The following TMPRSS11E variants were observed in gnomAD, a reference collection of about 807,000 sequenced individuals.
TMPRSS11E encodes transmembrane serine protease 11E, also known as transmembrane protease serine 11E.
In TMPRSS11E, 38 loss-of-function variants were observed where a neutral mutation model predicts 48.1. The observed-to-expected ratio is 0.79, with a 90% CI of 0.61 to 1.04. The LOEUF is 1.04. TMPRSS11E is among the 50% of genes least tolerant of loss of function. The pLI, the probability that TMPRSS11E is intolerant of heterozygous loss-of-function variation, is 0.00. For synonymous variants in TMPRSS11E, 158 were observed against 171.9 expected (o/e 0.92, Z 0.63); for missense variants, 530 against 510.8 (o/e 1.04, Z -0.36).
intron 9 of TMPRSS11E, among the ~76,000 whole-genome samples, chr4:68,493,388 T>C (rs990740239): frequency 4.5e-4 from 69 of 152,222 alleles, no homozygotes; most frequent in Admixed American, 4.4e-3. Flanking sequence ...TTACAAACTT[T>C]GTGAGCTACA....
intron 2 of TMPRSS11E, among the ~76,000 whole-genome samples, chr4:68,462,461 T>C (rs1578134721): frequency 1.4e-5 from 2 of 147,918 alleles, no homozygotes; most frequent in African/African-American, 5.0e-5. Context: ...TGTACACCTG[T>C]AGTCCCAGTT....
chr4:68,494,641 AAAT>A (rs1729819183), intron 9 of TMPRSS11E, among the ~76,000 whole-genome samples: 1 of 132,680 alleles, frequency 7.5e-6, no homozygotes, highest in Non-Finnish European at 1.8e-5. Flanking sequence ...TTAATGAGAC[AAAT>A]AGAGATAGAG....
intron 9 of TMPRSS11E, among the ~76,000 whole-genome samples, chr4:68,487,047 A>G (rs375043493): frequency 6.6e-5 from 10 of 152,148 alleles, no homozygotes; most frequent in African/African-American, 2.4e-4. Flanking sequence ...TGATGATAGC[A>G]TACAGTTGGG....
chr4:68,473,070 G>T (rs1250927750), intron 5 of TMPRSS11E, among the ~76,000 whole-genome samples: 4 of 151,906 alleles, frequency 2.6e-5, no homozygotes, highest in Admixed American at 2.6e-4. Context: ...AGTACAAAAG[G>T]CTAATGACTC....
intron 9 of TMPRSS11E, among the ~76,000 whole-genome samples, chr4:68,480,450 AT>A (rs1362966024): frequency 1.4e-4 from 22 of 152,058 alleles, no homozygotes; most frequent in Non-Finnish European, 2.8e-4. Flanking sequence ...TGCTTATCAT[AT>A]TTTTTAGTTC....
intron 3 of TMPRSS11E, among the ~76,000 whole-genome samples, chr4:68,468,154 C>T (rs767571741): frequency 2.6e-5 from 4 of 152,106 alleles, no homozygotes; most frequent in Non-Finnish European, 4.4e-5. Context: ...AATTAAAAGG[C>T]TCATTGCTTC....
intron 8 of TMPRSS11E, among the ~76,000 whole-genome samples, chr4:68,478,332 C>G (rs1244007037): frequency 6.6e-6 from 1 of 151,046 alleles, no homozygotes; most frequent in African/African-American, 2.4e-5. Context: ...TTAGTAGAGA[C>G]AGGGTTTCAC....
chr4:68,485,956 T>C (rs1191678392), intron 9 of TMPRSS11E, among the ~76,000 whole-genome samples: 1 of 152,208 alleles, frequency 6.6e-6, no homozygotes, highest in African/African-American at 2.4e-5. Context: ...TACAATCATC[T>C]TTGAAATTTT....
chr4:68,465,912 CA>C (rs1432695068), intron 2 of TMPRSS11E, among the ~76,000 whole-genome samples: 1 of 152,142 alleles, frequency 6.6e-6, no homozygotes, highest in African/African-American at 2.4e-5. Context: ...AAAGTTATAT[CA>C]CATTAACTTT....
chr4:68,452,972 T>C (rs927783578), intron 1 of TMPRSS11E, among the ~76,000 whole-genome samples: 3 of 151,948 alleles, frequency 2.0e-5, no homozygotes, highest in African/African-American at 4.8e-5. Flanking sequence ...AAGTTTTCTT[T>C]ACTAGTTGAA....
chr4:68,489,745 G>T (rs1348219881), intron 9 of TMPRSS11E, among the ~76,000 whole-genome samples: 4 of 152,268 alleles, frequency 2.6e-5, no homozygotes, highest in African/African-American at 4.8e-5. Flanking sequence ...GCAAGTTTGT[G>T]TAGCCAGGCA....
At chr4:68,455,846 T>C (rs1728615077) in intron 1 of TMPRSS11E, among the ~76,000 whole-genome samples, 1 of 152,026 alleles carries the variant, frequency 6.6e-6, no homozygotes, top group Non-Finnish European at 1.5e-5. Flanking sequence ...TTTATTATCT[T>C]GAACTAAAAA....
At chr4:68,471,679 C>G in intron 5 of TMPRSS11E, 56 bp downstream of exon 5, 10 of 1,380,180 alleles carry the variant, frequency 7.2e-6, no homozygotes, top group Non-Finnish European at 7.6e-6. Flanking sequence ...TAGGTTTGAT[C>G]TTGGCACTTA....
intron 9 of TMPRSS11E, among the ~76,000 whole-genome samples, chr4:68,483,267 G>C (rs2109708660): frequency 6.6e-6 from 1 of 152,200 alleles, no homozygotes; most frequent in South Asian, 2.1e-4. Context: ...GAGAGAGTGG[G>C]AGGAGGTGCC....
chr4:68,495,722 C>T (rs1268492647), intron 9 of TMPRSS11E, among the ~76,000 whole-genome samples: 2 of 152,078 alleles, frequency 1.3e-5, no homozygotes, highest in African/African-American at 4.8e-5. Context: ...GATTCAAATT[C>T]GGGGTCTGCC....
chr4:68,458,667 G>A (rs1036297824), intron 1 of TMPRSS11E, among the ~76,000 whole-genome samples: 1 of 151,900 alleles, frequency 6.6e-6, no homozygotes, highest in Non-Finnish European at 1.5e-5. Context: ...CTAATTTGGA[G>A]GAATTCAGTA....
chr4:68,486,825 T>C (rs1729567231), intron 9 of TMPRSS11E, among the ~76,000 whole-genome samples: 1 of 152,268 alleles, frequency 6.6e-6, no homozygotes, highest in African/African-American at 2.4e-5. Flanking sequence ...TGGATGCATA[T>C]ACATTTAGAT....
At chr4:68,478,743 C>A in intron 8 of TMPRSS11E, 106 bp from the exon 9 acceptor site, 1 of 1,245,478 alleles carries the variant, frequency 8.0e-7, no homozygotes, top group Non-Finnish European at 1.1e-6. Context: ...GCGTTAGTCA[C>A]CGTGCCTGGC....
At chr4:68,478,752 GC>G (rs1460005026) in intron 8 of TMPRSS11E, 96 bp from the exon 9 acceptor site, 1 of 1,353,616 alleles carries the variant, frequency 7.4e-7, no homozygotes, top group African/African-American at 1.5e-5. Context: ...ACCGTGCCTG[GC>G]CTGTATCACC....
Sources: allele counts gnomAD v4.1 joint callset (sites outside exome capture counted in the v4.1 genomes callset), GRCh38; gene constraint gnomAD v4.1.1; transcripts MANE v1.5; gene names NCBI Gene and HGNC (gene_info 2026-07-23, HGNC 2026-07-21).